CRYBG2: variants seen among roughly 807,000 people sequenced by gnomAD.
CRYBG2 encodes crystallin beta-gamma domain containing 2.
CRYBG2 carries 106 observed loss-of-function variants against 153.4 expected under a neutral mutation model. That is an observed-to-expected ratio of 0.69 (90% CI 0.59 to 0.81). The LOEUF (loss-of-function observed/expected upper bound fraction) is 0.81. CRYBG2 is among the 30% of genes least tolerant of loss of function. The pLI, the probability that CRYBG2 is intolerant of heterozygous loss-of-function variation, is 0.00. For missense variants in CRYBG2, 1,996 were observed against 2,112.0 expected, an observed-to-expected ratio of 0.95 and a Z score of 1.08; for synonymous variants, 851 against 877.8, an observed-to-expected ratio of 0.97 and a Z score of 0.54.
At chr1:26,322,464 C>T in intron 18 of CRYBG2, 141 bp from the exon 19 acceptor site, 1 of 955,094 alleles carries the variant, frequency 1.0e-6, no homozygotes, top group Non-Finnish European at 1.5e-6. Context: ...TCCTCAGCTT[C>T]AGTTTCCTCT....
intron 1 of CRYBG2, among the ~76,000 whole-genome samples, chr1:26,349,858 A>G (rs1321912087): frequency 8.4e-6 from 1 of 119,568 alleles, no homozygotes; most frequent in East Asian, 2.5e-4. Flanking sequence ...TCTGTTGCCC[A>G]GGCTGGAGTG....
chr1:26,352,555 G>A lies in CRYBG2; in HGVS notation c.-56+1481C>T, dbSNP rs566293944. Among the ~76,000 whole-genome samples, 50 of 152,006 alleles carry A rather than the reference G, an allele frequency of 3.3e-4. 1 individual carries two copies. The South Asian group carries it at 4.6e-3, about 14-fold the overall frequency. ...TCCCAGCTATGTCTCACTTCTTCTC[G>A]ACTCCCATATTTGCCAATCTTGGCC... On this transcript the variant is annotated intron_variant, in intron 1 of 19. Transcript: ENST00000308182.
intron 15 of CRYBG2, among the ~76,000 whole-genome samples, chr1:26,330,421 A>G (rs1481355370): frequency 6.6e-6 from 1 of 152,108 alleles, no homozygotes; most frequent in Non-Finnish European, 1.5e-5. Flanking sequence ...CCTGTTACCA[A>G]CTATGTGACC....
At chr1:26,350,052 A>G (rs1325992191) in intron 1 of CRYBG2, among the ~76,000 whole-genome samples, 1 of 151,946 alleles carries the variant, frequency 6.6e-6, no homozygotes, top group Non-Finnish European at 1.5e-5. Flanking sequence ...TGAGCCTAAG[A>G]GATCTGCCCA....
Position 26,339,176 on chromosome 1 carries a change from C to T in CRYBG2, c.3344+114G>A, listed in dbSNP as rs921226019. 8.0e-6 allele frequency: 11 copies of T among 1,369,962 alleles called. No homozygotes were observed. The African/African-American group carries it at 1.6e-4, about 20-fold the overall frequency. 84.9% of individuals were successfully genotyped at this position (1,369,962 alleles called of 1,614,324 possible). A position where few individuals can be genotyped will look rare whatever the true frequency, so the allele number is the denominator to read the frequency against. ...TATTGTCTGCTTACTTGCCTGTCCC[C>T]ACCAGTGGACTGAGCACTCCTGAAG... On this transcript the variant is annotated intron_variant, in intron 6 of 19. Coordinates refer to ENST00000308182, the MANE Select transcript of CRYBG2 (RefSeq NM_001039775.4).
chr1:26,345,582 G>T lies in CRYBG2; in HGVS notation c.1076C>A (p.Thr359Asn). The T allele has an allele frequency of 6.2e-7, 1 of 1,603,780 alleles. No homozygotes were observed. ...ASVPSSPRLETHVPSPGLTHP... is the reference protein window; with the variant it reads ...ASVPSSPRLENHVPSPGLTHP... ...AGTTAGGCCAGGAGAGGGGACATGG[G>T]TCTCGAGTCTGGGAGAGGAGGGGAC... The change falls in exon 2 of 20, where the codon ACC becomes AAC. Residue 359 changes from threonine to asparagine, a missense_variant. Coordinates refer to ENST00000308182, the MANE Select transcript of CRYBG2 (RefSeq NM_001039775.4).
chr1:26,328,378 C>T (rs934029170), intron 16 of CRYBG2, 46 bp from the exon 17 acceptor site: 93 of 1,539,686 alleles, frequency 6.0e-5, no homozygotes, highest in Non-Finnish European at 7.6e-5. Flanking sequence ...CACAGACACA[C>T]AGACAGACAG....
At chr1:26,340,421 C>T (rs1488268822) in intron 5 of CRYBG2, among the ~76,000 whole-genome samples, 1 of 152,176 alleles carries the variant, frequency 6.6e-6, no homozygotes, top group Non-Finnish European at 1.5e-5. Flanking sequence ...ACTGTTGCAA[C>T]CCAGCACCTC....
Position 26,337,999 on chromosome 1 carries a change from C to T in CRYBG2, c.3507+13G>A, listed in dbSNP as rs770425712. The T allele has an allele frequency of 8.7e-6, 14 of 1,611,932 alleles. No homozygotes were observed. The highest frequency in any genetic ancestry group is 1.2e-5 in the Non-Finnish European group (14 of 1,179,192). On this transcript the variant is annotated intron_variant, in intron 8 of 19. Transcript: ENST00000308182. ...CCAAAGGCCCTCTTTGGCTCTTAAG[C>T]CCAGACTCTTACCCTGGGCTCCCCT...
At chr1:26,326,971 C>T (rs1349542268) in intron 17 of CRYBG2, 1 of 501,950 alleles carries the variant, frequency 2.0e-6, no homozygotes, top group Non-Finnish European at 4.0e-6. Flanking sequence ...GCCTGCTTTC[C>T]TTATGCAGCA....
In CRYBG2 at chr1:26,354,053, G is replaced by A. The variant is rs772736823; in HGVS notation, c.-73C>T. 8 of 399,348 alleles carry A rather than the reference G, an allele frequency of 2.0e-5. No individual in the cohort carries two copies. Among genetic ancestry groups the A allele is most frequent in the Middle Eastern group, 6.2e-4 (1 of 1,612 alleles). 24.7% of individuals were successfully genotyped at this position (399,348 alleles called of 1,614,324 possible). A position where few individuals can be genotyped will look rare whatever the true frequency, so the allele number is the denominator to read the frequency against. ...AGACCGACCTCTACTCACAGTCTGC[G>A]TGGGGACCCAGGTGTCCAGCCAGCC... On this transcript the variant is annotated 5_prime_UTR_variant, in exon 1 of 20. The change creates a new upstream start codon in the 5' untranslated region. Coordinates refer to ENST00000308182, the MANE Select transcript of CRYBG2 (RefSeq NM_001039775.4).
Position 26,344,103 on chromosome 1 carries a change from G to T in CRYBG2, c.2555C>A (p.Ala852Asp). The T allele has an allele frequency of 6.5e-7, 1 of 1,536,176 alleles. No individual in the cohort carries two copies. The highest frequency in any genetic ancestry group is 2.4e-5 in the East Asian group (1 of 40,918). Residue 852 changes from alanine (A) to aspartate (D), a missense_variant, in exon 2 of 20, where the codon GCT (alanine) becomes GAT (aspartate). Physicochemically the swap from Ala to Asp is moderately radical, Grantham distance 126 (BLOSUM62 -2). Transcript: ENST00000308182. ...GAGGTCCCTGGAGGGGCTGGGCCCA[G>T]CTTTCTCCTGCCTGCGCTGGAGCTT... ...DEKLQRRQEK[A>D]GPSPSRDLHP...
In CRYBG2 at chr1:26,321,959, G is replaced by T; in HGVS notation, c.*9C>A. On this transcript the variant is annotated 3_prime_UTR_variant, in exon 20 of 20. Coordinates refer to ENST00000308182, the MANE Select transcript of CRYBG2 (RefSeq NM_001039775.4). ...AAGCCTCCAGGGCTGGAGGGTGAGG[G>T]GAAAAGTTTCAAAGCACGTGGATAG... is the stretch of plus-strand genomic sequence containing the variant. 2 of 1,555,016 alleles carry T rather than the reference G, an allele frequency of 1.3e-6. No individual in the cohort carries two copies. Among genetic ancestry groups the T allele is most frequent in the Non-Finnish European group, 1.7e-6 (2 of 1,143,806 alleles).
chr1:26,338,391 G>A lies in CRYBG2; in HGVS notation c.3431C>T (p.Thr1144Ile). ...CAGGGAGCCCACGCTGGGGTCCGAT[G>A]TGCCCCAGGCCTCTGAGGTGGGGTA... Reference protein sequence around the residue: ...GEYPTSEAWGTSDPSVGSLKP... With the variant: ...GEYPTSEAWGISDPSVGSLKP... The change falls in exon 7 of 20, where the codon ACA becomes ATA. Residue 1144 changes from threonine to isoleucine, a missense_variant. Coordinates refer to ENST00000308182, the MANE Select transcript of CRYBG2 (RefSeq NM_001039775.4). 1 of 1,612,926 alleles carries A rather than the reference G, an allele frequency of 6.2e-7. No individual in the cohort carries two copies. Among genetic ancestry groups the A allele is most frequent in the Non-Finnish European group, 8.5e-7 (1 of 1,179,576 alleles).
In CRYBG2 at chr1:26,346,928, G is replaced by A. The variant is rs1036107617; in HGVS notation, c.-55-216C>T. On this transcript the variant is annotated intron_variant, in intron 1 of 19. Transcript: ENST00000308182. The surrounding 1 kb of genome is among the most constrained non-coding windows in gnomAD (Gnocchi z 4.9). ...ATCCATCCCTCTCCCTGACTTTCAG[G>A]TGATCTCCTAGGTCAGGGTCCTTCA... Among the ~76,000 whole-genome samples the A allele has an allele frequency of 6.6e-6, 1 of 152,158 alleles. No homozygotes were observed. Among genetic ancestry groups the A allele is most frequent in the Admixed American group, 6.6e-5 (1 of 15,266 alleles).
chr1:26,343,698 C>T lies in CRYBG2; in HGVS notation c.2913+47G>A. On this transcript the variant is annotated intron_variant, in intron 2 of 19. Coordinates refer to ENST00000308182, the MANE Select transcript of CRYBG2 (RefSeq NM_001039775.4). This position sits in a 1 kb window ranked among gnomAD's most constrained non-coding sequence, Gnocchi z 4.1. ...CTCTTCACACCACTCAAGCCTTGAC[C>T]CAGGTGAGGCCAGGCACCTCCCTTG... The T allele has an allele frequency of 6.9e-7, 1 of 1,438,942 alleles. No individual in the cohort carries two copies. Among genetic ancestry groups the T allele is most frequent in the Non-Finnish European group, 9.1e-7 (1 of 1,094,652 alleles). 89.1% of individuals were successfully genotyped at this position (1,438,942 alleles called of 1,614,324 possible).
intron 1 of CRYBG2, among the ~76,000 whole-genome samples, chr1:26,352,023 G>T (rs1385978918): frequency 6.6e-6 from 1 of 152,076 alleles, no homozygotes; most frequent in Non-Finnish European, 1.5e-5. Context: ...AAGGCGTGTG[G>T]AGCTGGGAAG....
chr1:26,337,779 C>T, intron 8 of CRYBG2, 105 bp from the exon 9 acceptor site: 1 of 1,466,370 alleles, frequency 6.8e-7, no homozygotes, highest in Non-Finnish European at 9.2e-7. Flanking sequence ...CCCAGCCCTC[C>T]CACCTCCTTG....
At position 26,339,405 on chromosome 1, in the gene CRYBG2, G is replaced by C. The variant is rs770453689; in HGVS notation, c.3229C>G (p.Leu1077Val). Residue 1077 changes from leucine to valine, a missense_variant, in exon 6 of 20, where the codon CTC becomes GTC. Coordinates refer to ENST00000308182, the MANE Select transcript of CRYBG2 (RefSeq NM_001039775.4). ...CCCTTGAGGCCCTCCTCAGAGAAGAGGCTGATTTCCGGGGTGCTGTAGTCC... is the reference window on the plus strand; with the variant it reads ...CCCTTGAGGCCCTCCTCAGAGAAGACGCTGATTTCCGGGGTGCTGTAGTCC... ...VWDYSTPEIS[L>V]FSEEGLKGEQ... is the part of the protein sequence containing the mutation. 7 of 1,614,200 alleles carry C rather than the reference G, an allele frequency of 4.3e-6. No homozygotes were observed. The highest frequency in any genetic ancestry group is 4.2e-6 in the Non-Finnish European group (5 of 1,180,046).
Sources: gnomAD v4.1 joint callset for allele counts (sites outside exome capture counted in the v4.1 genomes callset) on GRCh38, gnomAD v4.1.1 for gene constraint, Gnocchi (gnomAD v3.1) non-coding constraint, MANE v1.5 for transcripts, NCBI Gene and HGNC (gene_info 2026-07-23, HGNC 2026-07-21) for gene names.